Variants in LNPEP observed in about 807,000 individuals in gnomAD.
LNPEP encodes leucyl and cystinyl aminopeptidase.
LNPEP carries 64 observed loss-of-function variants against 120.6 expected under a neutral mutation model. The observed-to-expected ratio is 0.53, with a 90% confidence interval of 0.43 to 0.65. The LOEUF (loss-of-function observed/expected upper bound fraction) is 0.65, where lower values mean the gene tolerates loss of function less well. Among genes scored for constraint, LNPEP ranks in the 30% least tolerant of loss-of-function variants. The pLI is 0.00. For missense variants in LNPEP, 1,057 were observed against 1,200.0 expected, an observed-to-expected ratio of 0.88 and a Z score of 1.76; for synonymous variants, 435 against 425.4, an observed-to-expected ratio of 1.02 and a Z score of -0.28.
In LNPEP at chr5:97,035,017, T is replaced by C. The variant is rs529133698; in HGVS notation, c.*6484T>C. 12 of 152,290 alleles carry C rather than the reference T, an allele frequency of 7.9e-5. No homozygotes were observed. The East Asian group carries it at 2.1e-3, about 27-fold the overall frequency. The allele number at this position is 152,290 out of a possible 1,614,324, so 9.4% of individuals were successfully genotyped here. ...AATATTTGCTACATTCTGTGTGTTA[T>C]ATAATGTGGTACCCAGTCCTCTGCT... On this transcript the variant is annotated 3_prime_UTR_variant, in exon 18 of 18. Coordinates refer to ENST00000231368, the MANE Select transcript of LNPEP (RefSeq NM_005575.3).
rs758200052 is a variant in LNPEP at position 96,979,553 on chromosome 5, C to T, written c.435C>T (p.Asn145=). Residue 145 remains asparagine (N), a synonymous_variant, in exon 2 of 18, where the codon AAC becomes AAT. Transcript: ENST00000231368. ...TFTKEGCHKK[N]QSIGLIQPFA... is the part of the protein sequence containing the mutation. The stretch of plus-strand genomic sequence containing the variant: ...CCAAAGAAGGCTGCCATAAAAAAAA[C>T]CAGTCAATTGGACTAATTCAGCCAT... 3.1e-6 allele frequency: 5 copies of T among 1,613,872 alleles called. No individual in the cohort carries two copies. In the Admixed American group the frequency reaches 5.0e-5, roughly 16 times the overall value.
chr5:97,024,481 A>G lies in LNPEP; in HGVS notation c.2562-40A>G, dbSNP rs758806640. 140 of 1,587,704 alleles carry G rather than the reference A, an allele frequency of 8.8e-5. 1 individual carries two copies. Among genetic ancestry groups the G allele is most frequent in the South Asian group, 1.8e-4 (16 of 88,808 alleles). On this transcript the variant is annotated intron_variant, in intron 14 of 17. Transcript: ENST00000231368. ...AACTCTTCGCCTTTGTATTCAGAAT[A>G]TTTTCTTGTTATTCTCATGTTTGAC... is the stretch of plus-strand genomic sequence containing the variant.
In LNPEP at chr5:97,032,484, T is replaced by C. The variant is rs1417742715; in HGVS notation, c.*3951T>C. The C allele has an allele frequency of 6.6e-6, 1 of 152,198 alleles. No individual in the cohort carries two copies. Among genetic ancestry groups the C allele is most frequent in the Admixed American group, 6.5e-5 (1 of 15,280 alleles). 9.4% of individuals were successfully genotyped at this position (152,198 alleles called of 1,614,324 possible). On this transcript the variant is annotated 3_prime_UTR_variant, in exon 18 of 18. Coordinates refer to ENST00000231368, the MANE Select transcript of LNPEP (RefSeq NM_005575.3). ...TTTGGGAGTATATACTTTAAAAATG[T>C]ACATACATGTTTTTGATAGTTTTTA...
intron 1 of LNPEP, among the ~76,000 whole-genome samples, chr5:96,941,850 GAAAT>G (rs1789062262): frequency 6.6e-6 from 1 of 152,206 alleles, no homozygotes; most frequent in African/African-American, 2.4e-5. Context: ...GAAGATGAAA[GAAAT>G]GTGGAGATTG....
At chr5:97,007,709 C>T in intron 11 of LNPEP, among the ~76,000 whole-genome samples, 2 of 152,200 alleles carry the variant, frequency 1.3e-5, no homozygotes, top group South Asian at 4.1e-4. Flanking sequence ...TTTAACTTAA[C>T]ATATATAGTA....
intron 11 of LNPEP, among the ~76,000 whole-genome samples, chr5:97,008,199 A>C (rs1191379687): frequency 1.3e-5 from 2 of 152,180 alleles, no homozygotes; most frequent in African/African-American, 4.8e-5. Context: ...TATTTGCAAG[A>C]AACTAATAAG....
rs146999208 is a variant in LNPEP, at chr5:97,028,437, C to G, written c.2982C>G (p.Thr994=). The change falls in exon 18 of 18, where the codon ACC becomes ACG. Residue 994 remains threonine, a synonymous_variant. Coordinates refer to ENST00000231368, the MANE Select transcript of LNPEP (RefSeq NM_005575.3). ...TCTTTGAAAATCAGTCAGAGGCAAC[C>G]TTCCGGCTTCGTTGTGTCCAGGAGG... The part of the protein sequence containing the change: ...QAFFENQSEA[T]FRLRCVQEAL... 11 of 1,613,864 alleles carry G rather than the reference C, an allele frequency of 6.8e-6. No individual in the cohort carries two copies. The South Asian group carries it at 1.1e-4, about 16-fold the overall frequency.
Position 97,003,618 on chromosome 5 carries a change from CAT to C in LNPEP, c.1785+73_1785+74del. The C allele has an allele frequency of 4.6e-6, 5 of 1,093,830 alleles. No homozygotes were observed. The South Asian group carries it at 9.0e-5, about 20-fold the overall frequency. The allele number at this position is 1,093,830 out of a possible 1,614,324, so 67.8% of individuals were successfully genotyped here. The stretch of plus-strand genomic sequence containing the variant: ...GAGTTCGTCTATTTATACTTTTTAG[CAT>C]GTGTGTAAGTTAATCTGTGGTACAA... On this transcript the variant is annotated intron_variant, in intron 9 of 17. Transcript: ENST00000231368.
At chr5:96,962,279 A>C (rs1789624419) in intron 1 of LNPEP, among the ~76,000 whole-genome samples, 1 of 152,234 alleles carries the variant, frequency 6.6e-6, no homozygotes, top group Non-Finnish European at 1.5e-5. Flanking sequence ...TACGTACTGC[A>C]GTCAAAAAAA....
At chr5:96,987,527 AT>A (rs1252962412) in intron 4 of LNPEP, among the ~76,000 whole-genome samples, 1 of 152,156 alleles carries the variant, frequency 6.6e-6, no homozygotes, top group South Asian at 2.1e-4. Flanking sequence ...GGATCTTATC[AT>A]TTTGCTACTT....
At chr5:97,002,862 T>C (rs922889341) in intron 8 of LNPEP, among the ~76,000 whole-genome samples, 2 of 152,178 alleles carry the variant, frequency 1.3e-5, no homozygotes, top group Non-Finnish European at 2.9e-5. Flanking sequence ...CCCTGCCCTA[T>C]ACATTTGTTA....
rs780948363 is a variant in LNPEP at position 97,028,521 on chromosome 5, A to C, written c.3066A>C (p.Thr1022=). 2 of 1,613,718 alleles carry C rather than the reference A, an allele frequency of 1.2e-6. No homozygotes were observed. The highest frequency in any genetic ancestry group is 2.7e-5 in the African/African-American group (2 of 74,934). ...TGGAGAAGAACCTCAAAAGTCTCACATGGTGGCTGTAGCATGCACAACCGC... is the reference window on the plus strand; with the variant it reads ...TGGAGAAGAACCTCAAAAGTCTCACCTGGTGGCTGTAGCATGCACAACCGC... The part of the protein sequence containing the change: ...QWMEKNLKSL[T]WWL Residue 1022 remains threonine, a synonymous_variant, in exon 18 of 18, where the codon ACA becomes ACC. Transcript: ENST00000231368.
Position 96,985,144 on chromosome 5 carries a change from C to T in LNPEP, c.925C>T (p.Pro309Ser). The T allele has an allele frequency of 6.2e-7, 1 of 1,613,934 alleles. No individual in the cohort carries two copies. The highest frequency in any genetic ancestry group is 8.5e-7 in the Non-Finnish European group (1 of 1,179,880). ...ATCTGCTTTTCCTTGTTTTGATGAA[C>T]CAGCATTTAAAGCCACTTTTATCAT... ...ARSAFPCFDE[P>S]AFKATFIIKI... Residue 309 changes from proline (P) to serine (S), a missense_variant, in exon 3 of 18, where the codon CCA becomes TCA. Coordinates refer to ENST00000231368, the MANE Select transcript of LNPEP (RefSeq NM_005575.3).
At chr5:96,988,485 C>T (rs1192277804) in intron 4 of LNPEP, among the ~76,000 whole-genome samples, 1 of 151,262 alleles carries the variant, frequency 6.6e-6, no homozygotes, top group African/African-American at 2.4e-5. Flanking sequence ...ATTACAGGTG[C>T]CCTCCACCAC....
chr5:96,994,543 A>G (rs902686145), intron 6 of LNPEP, among the ~76,000 whole-genome samples: 3 of 151,940 alleles, frequency 2.0e-5, no homozygotes, highest in South Asian at 2.1e-4. Context: ...GAAAATGGCA[A>G]AGGGTACTGT....
At chr5:96,950,554 T>C (rs962607949) in intron 1 of LNPEP, among the ~76,000 whole-genome samples, 1 of 152,236 alleles carries the variant, frequency 6.6e-6, no homozygotes, top group Non-Finnish European at 1.5e-5. Flanking sequence ...GCAAAGCCAC[T>C]GAAAGGCAGG....
rs1275542662 is a variant in LNPEP at position 97,026,532 on chromosome 5, G to A, written c.2724-85G>A. The A allele has an allele frequency of 9.4e-6, 10 of 1,067,260 alleles. No homozygotes were observed. In the Admixed American group the frequency reaches 1.7e-4, roughly 18 times the overall value. The allele number at this position is 1,067,260 out of a possible 1,614,324, so 66.1% of individuals were successfully genotyped here. On this transcript the variant is annotated intron_variant, in intron 15 of 17. Coordinates refer to ENST00000231368, the MANE Select transcript of LNPEP (RefSeq NM_005575.3). ...CAATTTGCTACACAGCTTTAATTAGGAAACCATACTAATTTTAATTTAAGT... is the reference window on the plus strand; with the variant it reads ...CAATTTGCTACACAGCTTTAATTAGAAAACCATACTAATTTTAATTTAAGT...
intron 13 of LNPEP, among the ~76,000 whole-genome samples, chr5:97,017,083 A>G (rs1015078602): frequency 2.0e-5 from 3 of 152,172 alleles, no homozygotes; most frequent in Non-Finnish European, 4.4e-5. Flanking sequence ...AGTTGTACCA[A>G]TTTACACTTA....
At chr5:96,970,866 A>G (rs1475207429) in intron 1 of LNPEP, among the ~76,000 whole-genome samples, 1 of 151,990 alleles carries the variant, frequency 6.6e-6, no homozygotes, top group Non-Finnish European at 1.5e-5. Context: ...GGTTTTAAGC[A>G]TACAGTTTTT....
Sources: gnomAD v4.1 joint callset for allele counts (sites outside exome capture counted in the v4.1 genomes callset) on GRCh38, gnomAD v4.1.1 for gene constraint, MANE v1.5 for transcripts, NCBI Gene and HGNC (gene_info 2026-07-23, HGNC 2026-07-21) for gene names.